Variants in HS6ST3 observed in about 807,000 individuals in gnomAD.
The protein encoded by HS6ST3 is heparan-sulfate 6-O-sulfotransferase 3.
HS6ST3 carries 12 observed loss-of-function variants against 36.7 expected under a neutral mutation model. The observed-to-expected ratio is 0.33, with a 90% confidence interval of 0.21 to 0.53. HS6ST3 has a LOEUF of 0.53. Ranked by LOEUF, HS6ST3 falls within the 20% of genes least tolerant of loss-of-function variation. The pLI, the probability that HS6ST3 is intolerant of heterozygous loss-of-function variation, is 0.95. For synonymous variants in HS6ST3, 240 were observed against 257.5 expected, an observed-to-expected ratio of 0.93 and a Z score of 0.65; for missense variants, 584 against 640.9, an observed-to-expected ratio of 0.91 and a Z score of 0.96.
intron 1 of HS6ST3, among the ~76,000 whole-genome samples, chr13:96,706,770 G>C (rs1309394486): frequency 2.6e-5 from 4 of 152,042 alleles, no homozygotes; most frequent in African/African-American, 9.7e-5. Context: ...CAGTAGAGGA[G>C]TGACAAGTTA....
rs113903560 is a variant in HS6ST3, at chr13:96,643,320, G to A, written c.708-189170G>A. Among the ~76,000 whole-genome samples, 36 of 151,950 alleles carry A rather than the reference G, an allele frequency of 2.4e-4. 2 individuals carry two copies. The highest frequency in any genetic ancestry group is 8.2e-4 in the African/African-American group (34 of 41,516). ...TTTTTTTACTCATACAGAACCCCAA[G>A]TCCAGCCAGAGGTTAGACTTTGTTA... On this transcript the variant is annotated intron_variant, in intron 1 of 1. Coordinates refer to ENST00000376705, the MANE Select transcript of HS6ST3 (RefSeq NM_153456.4).
intron 1 of HS6ST3, among the ~76,000 whole-genome samples, chr13:96,106,135 A>C (rs540924660): frequency 4.4e-4 from 67 of 152,336 alleles, no homozygotes; most frequent in African/African-American, 1.6e-3. Flanking sequence ...AAAACTCTTA[A>C]GTAGTAGTAG....
At chr13:96,673,477 A>G (rs1489194728) in intron 1 of HS6ST3, among the ~76,000 whole-genome samples, 1 of 152,108 alleles carries the variant, frequency 6.6e-6, no homozygotes, top group Non-Finnish European at 1.5e-5. Context: ...GTCTTCATCA[A>G]TCATTTTGTT....
At chr13:96,120,502 A>G (rs1194202796) in intron 1 of HS6ST3, among the ~76,000 whole-genome samples, 1 of 152,230 alleles carries the variant, frequency 6.6e-6, no homozygotes, top group Non-Finnish European at 1.5e-5. Flanking sequence ...CTAAATGTAT[A>G]TACGTATATT....
intron 1 of HS6ST3, among the ~76,000 whole-genome samples, chr13:96,475,707 A>T (rs1000755274): frequency 2.0e-5 from 3 of 152,176 alleles, no homozygotes; most frequent in African/African-American, 7.2e-5. Flanking sequence ...TAAGGATTTA[A>T]GTCATTCAAC....
At chr13:96,504,563 AAAAT>A (rs2056018505) in intron 1 of HS6ST3, among the ~76,000 whole-genome samples, 1 of 152,132 alleles carries the variant, frequency 6.6e-6, no homozygotes, top group Admixed American at 6.6e-5. Flanking sequence ...AATAAAAAAT[AAAAT>A]AAAAGTAAAA....
intron 1 of HS6ST3, among the ~76,000 whole-genome samples, chr13:96,599,911 T>C (rs2056415301): frequency 6.6e-6 from 1 of 152,168 alleles, no homozygotes; most frequent in South Asian, 2.1e-4. Context: ...CAGGGGCAGA[T>C]TCTTTAATTT....
intron 1 of HS6ST3, among the ~76,000 whole-genome samples, chr13:96,794,068 C>A (rs905673147): frequency 6.6e-6 from 1 of 152,000 alleles, no homozygotes; most frequent in Non-Finnish European, 1.5e-5. Flanking sequence ...AATCATGGAG[C>A]AAGATTTTGG....
At chr13:96,699,220 C>G (rs1385297609) in intron 1 of HS6ST3, among the ~76,000 whole-genome samples, 1 of 152,140 alleles carries the variant, frequency 6.6e-6, no homozygotes, top group Non-Finnish European at 1.5e-5. Flanking sequence ...ACACCAAAAG[C>G]AATGGTAACA....
In HS6ST3 at chr13:96,359,861, C is replaced by T. The variant is rs1005268155; in HGVS notation, c.707+268292C>T. On this transcript the variant is annotated intron_variant, in intron 1 of 1. Transcript: ENST00000376705. ...AACACTTCTGTCCATTATTAGTTTC[C>T]AGCAGGAGTTGAAGGGAAGATTTGG... is the stretch of plus-strand genomic sequence containing the variant. 5.9e-5 allele frequency among the ~76,000 whole-genome samples: 9 copies of T among 152,198 alleles called. No individual in the cohort carries two copies. The South Asian group carries it at 6.2e-4, about 11-fold the overall frequency.
At chr13:96,392,255 C>G (rs1351050126) in intron 1 of HS6ST3, among the ~76,000 whole-genome samples, 3 of 152,124 alleles carry the variant, frequency 2.0e-5, no homozygotes, top group Non-Finnish European at 4.4e-5. Context: ...ATCCTTTGAC[C>G]TGGCCACATT....
At chr13:96,185,840 G>A (rs962872980) in intron 1 of HS6ST3, among the ~76,000 whole-genome samples, 6 of 152,136 alleles carry the variant, frequency 3.9e-5, no homozygotes, top group African/African-American at 7.2e-5. Flanking sequence ...GTGGTCATGC[G>A]TTTGGTAATG....
At position 96,473,613 on chromosome 13, in the gene HS6ST3, C is replaced by T. The variant is rs539133335; in HGVS notation, c.708-358877C>T. Among the ~76,000 whole-genome samples, 19 of 152,312 alleles carry T rather than the reference C, an allele frequency of 1.2e-4. No individual in the cohort carries two copies. The East Asian group carries it at 2.5e-3, about 20-fold the overall frequency. On this transcript the variant is annotated intron_variant, in intron 1 of 1. Transcript: ENST00000376705. ...GCGGCAGCTAGGTCTACAGAGGCGG[C>T]GTCCAATTACTCAGAATATCTGCCC...
At chr13:96,494,524 C>T (rs887658995) in intron 1 of HS6ST3, among the ~76,000 whole-genome samples, 3 of 151,004 alleles carry the variant, frequency 2.0e-5, no homozygotes, top group Non-Finnish European at 4.4e-5. Context: ...CACATGTACC[C>T]TAAAACTTAA....
intron 1 of HS6ST3, among the ~76,000 whole-genome samples, chr13:96,819,297 T>A (rs1285411572): frequency 6.6e-6 from 1 of 152,190 alleles, no homozygotes; most frequent in Non-Finnish European, 1.5e-5. Context: ...CCAGACTTTA[T>A]TTACCTCCAG....
At chr13:96,220,011 A>G (rs2139362031) in intron 1 of HS6ST3, among the ~76,000 whole-genome samples, 1 of 152,276 alleles carries the variant, frequency 6.6e-6, no homozygotes. Context: ...CTCTAGTGGC[A>G]TCATTACTTC....
chr13:96,368,413 C>G (rs1301025405), intron 1 of HS6ST3, among the ~76,000 whole-genome samples: 6 of 151,840 alleles, frequency 4.0e-5, no homozygotes, highest in African/African-American at 1.5e-4. Context: ...TATTTACAAT[C>G]CAGCTGGTAG....
At chr13:96,310,727 A>G (rs143798496) in intron 1 of HS6ST3, among the ~76,000 whole-genome samples, 1 of 149,524 alleles carries the variant, frequency 6.7e-6, no homozygotes, top group African/African-American at 2.5e-5. Context: ...GTAAAAACGT[A>G]TGCGTGCATC....
intron 1 of HS6ST3, among the ~76,000 whole-genome samples, chr13:96,294,095 A>G (rs1189510449): frequency 6.6e-6 from 1 of 152,190 alleles, no homozygotes; most frequent in East Asian, 1.9e-4. Context: ...TAAAGCTGTT[A>G]TTGGCATTTT....
Sources: gnomAD v4.1 joint callset for allele counts (sites outside exome capture counted in the v4.1 genomes callset) on GRCh38, gnomAD v4.1.1 for gene constraint, MANE v1.5 for transcripts, NCBI Gene and HGNC (gene_info 2026-07-23, HGNC 2026-07-21) for gene names.